COLEC11: variants seen among roughly 807,000 people sequenced by gnomAD.
The protein encoded by COLEC11 is collectin-11.
Under a neutral mutation model 27.3 loss-of-function variants are expected in COLEC11, and 20 were observed. The observed-to-expected ratio is 0.73, with a 90% CI of 0.51 to 1.06. The LOEUF (loss-of-function observed/expected upper bound fraction) is 1.06, where lower values mean the gene tolerates loss of function less well. COLEC11 is among the 50% of genes least tolerant of loss of function. COLEC11 has a pLI of 0.00. For synonymous variants in COLEC11, 163 were observed against 154.7 expected (o/e 1.05, Z -0.40); for missense variants, 310 against 383.0 (o/e 0.81, Z 1.59).
chr2:3,603,150 G>A (rs1047674103), intron 1 of COLEC11, among the ~76,000 whole-genome samples: 1 of 152,094 alleles, frequency 6.6e-6, no homozygotes, highest in African/African-American at 2.4e-5. Context: ...CCCAGTCCCA[G>A]CTCGCCACGG....
intron 2 of COLEC11, chr2:3,606,081 C>T (rs1454242517): frequency 1.3e-6 from 2 of 1,549,996 alleles, no homozygotes; most frequent in Admixed American, 2.0e-5. Context: ...GGCTTTGGCC[C>T]TGACTTTGTG....
At chr2:3,625,527 G>T (rs1664483582) in intron 3 of COLEC11, among the ~76,000 whole-genome samples, 1 of 152,112 alleles carries the variant, frequency 6.6e-6, no homozygotes, top group African/African-American at 2.4e-5. Context: ...TGGCATCCCA[G>T]GGAGTCAGCT....
chr2:3,600,959 C>T (rs550592714), intron 1 of COLEC11, among the ~76,000 whole-genome samples: 104 of 152,330 alleles, frequency 6.8e-4, no homozygotes, highest in Non-Finnish European at 7.3e-4. Context: ...TGTCACTGCA[C>T]GGGGCGGGCT....
rs1452270443 is a variant in COLEC11, at chr2:3,643,518, G to A, written c.403G>A (p.Glu135Lys). The change falls in exon 6 of 7, where the codon GAG (glutamate) becomes AAG (lysine). Residue 135 changes from glutamate to lysine, a missense_variant. By Grantham distance (56) the Glu-to-Lys change is moderately conservative. Coordinates refer to ENST00000349077, the MANE Select transcript of COLEC11 (RefSeq NM_024027.5). Reference protein sequence around the residue: ...MDNQVSQLTSELKFIKNAVAG... With the variant: ...MDNQVSQLTSKLKFIKNAVAG... ...CAACCAGGTCTCTCAGCTGACCAGC[G>A]AGCTCAAGTTCATCAAGAATGGTAT... The A allele has an allele frequency of 5.6e-6, 9 of 1,613,878 alleles. No individual in the cohort carries two copies. The highest frequency in any genetic ancestry group is 1.1e-5 in the South Asian group (1 of 91,088).
At chr2:3,597,550 C>T (rs1370984312) in intron 1 of COLEC11, among the ~76,000 whole-genome samples, 2 of 152,194 alleles carry the variant, frequency 1.3e-5, no homozygotes, top group African/African-American at 4.8e-5. Context: ...TTTGTTGAAG[C>T]CACTCCTGGG....
intron 2 of COLEC11, among the ~76,000 whole-genome samples, chr2:3,611,660 C>G (rs1258761586): frequency 6.6e-6 from 1 of 151,092 alleles, no homozygotes; most frequent in Non-Finnish European, 1.5e-5. Context: ...AGGGGCAGCC[C>G]ACAGGCTTTT....
Position 3,602,899 on chromosome 2 carries a change from C to T in COLEC11, c.-26-1416C>T, listed in dbSNP as rs955893843. 2.6e-5 allele frequency among the ~76,000 whole-genome samples: 4 copies of T among 152,240 alleles called. No homozygotes were observed. Among genetic ancestry groups the T allele is most frequent in the South Asian group, 2.1e-4 (1 of 4,832 alleles). ...CTGGACTCTGCCTCACTCTTCCCCA[C>T]GGCGCTTACCCCTGCCTCTGTCTGT... On this transcript the variant is annotated intron_variant, in intron 1 of 6. Coordinates refer to ENST00000349077, the MANE Select transcript of COLEC11 (RefSeq NM_024027.5). The surrounding 1 kb of genome is among the most constrained non-coding windows in gnomAD (Gnocchi z 6.2).
At chr2:3,615,126 T>TTTTATTTA (rs70938959) in intron 3 of COLEC11, among the ~76,000 whole-genome samples, 1 of 76,218 alleles carries the variant, frequency 1.3e-5, no homozygotes, top group South Asian at 7.0e-4. Flanking sequence ...TTTAAAGGGA[T>TTTTATTTA]TTTATTTATT....
At chr2:3,629,099 C>A (rs1266881589) in intron 3 of COLEC11, among the ~76,000 whole-genome samples, 4 of 152,218 alleles carry the variant, frequency 2.6e-5, no homozygotes, top group Non-Finnish European at 5.9e-5. Flanking sequence ...GGCGTTAGGG[C>A]TCTTGTTCTC....
chr2:3,638,111 G>A (rs2147956558), intron 4 of COLEC11, among the ~76,000 whole-genome samples: 1 of 152,352 alleles, frequency 6.6e-6, no homozygotes, highest in Admixed American at 6.5e-5. Context: ...CTGCACCTGC[G>A]GGTTCTAATT....
chr2:3,599,172 C>T lies in COLEC11; in HGVS notation c.-27+4004C>T, dbSNP rs734602. Among the ~76,000 whole-genome samples, 27 of 152,262 alleles carry T rather than the reference C, an allele frequency of 1.8e-4. No individual in the cohort carries two copies. The South Asian group carries it at 4.8e-3, about 27-fold the overall frequency. ...TTTTCTTTGGCTTCCTCATCTGTGA[C>T]GAGTGCGTGATGGTGCTGATCTCTG... On this transcript the variant is annotated intron_variant, in intron 1 of 6. Coordinates refer to ENST00000349077, the MANE Select transcript of COLEC11 (RefSeq NM_024027.5).
intron 3 of COLEC11, among the ~76,000 whole-genome samples, chr2:3,618,434 T>C (rs897520354): frequency 6.6e-6 from 1 of 152,250 alleles, no homozygotes; most frequent in Non-Finnish European, 1.5e-5. Context: ...CCCAATAGCA[T>C]TGTGAATTCT....
chr2:3,622,687 C>G (rs751819564), intron 3 of COLEC11, among the ~76,000 whole-genome samples: 1 of 152,156 alleles, frequency 6.6e-6, no homozygotes, highest in African/African-American at 2.4e-5. Flanking sequence ...TGGCCTCTCT[C>G]GTGGGCCTCC....
intron 4 of COLEC11, among the ~76,000 whole-genome samples, chr2:3,638,141 A>G (rs2147956698): frequency 1.3e-5 from 2 of 152,338 alleles, no homozygotes; most frequent in South Asian, 4.1e-4. Context: ...CCGCTGCTGC[A>G]TTTGGCTGCA....
chr2:3,636,167 C>T (rs545686155), intron 3 of COLEC11, among the ~76,000 whole-genome samples: 182 of 152,310 alleles, frequency 1.2e-3, no homozygotes, highest in Non-Finnish European at 1.8e-3. Flanking sequence ...AAGTCCTTCC[C>T]GCCACCACCG....
chr2:3,617,836 A>G, intron 3 of COLEC11: 3 of 646,548 alleles, frequency 4.6e-6, no homozygotes, highest in East Asian at 5.3e-5. Flanking sequence ...GCCTTTCTCC[A>G]CATCTTCTCC....
intron 3 of COLEC11, among the ~76,000 whole-genome samples, chr2:3,629,605 T>C (rs560036815): frequency 3.1e-4 from 47 of 152,366 alleles, no homozygotes; most frequent in African/African-American, 1.1e-3. Context: ...TGTGTGTATG[T>C]GCATATGAGC....
chr2:3,602,306 T>C lies in COLEC11; in HGVS notation c.-26-2009T>C, dbSNP rs943311083. On this transcript the variant is annotated intron_variant, in intron 1 of 6. Transcript: ENST00000349077. This position sits in a 1 kb window ranked among gnomAD's most constrained non-coding sequence, Gnocchi z 6.2. ...CCATTGCTCCACCCACTGGGTCACA[T>C]AGGAGTCTATAGTGTCTCAGACTCG... Among the ~76,000 whole-genome samples the C allele has an allele frequency of 3.3e-5, 5 of 152,180 alleles. No homozygotes were observed. Among genetic ancestry groups the C allele is most frequent in the Non-Finnish European group, 5.9e-5 (4 of 68,048 alleles).
At position 3,602,348 on chromosome 2, in the gene COLEC11, C is replaced by T. The variant is rs981454609; in HGVS notation, c.-26-1967C>T. Among the ~76,000 whole-genome samples, 9 of 152,296 alleles carry T rather than the reference C, an allele frequency of 5.9e-5. 1 individual carries two copies. In the South Asian group the frequency reaches 1.5e-3, roughly 25 times the overall value. ...TCAGACTCGGAAAGTTGAACCCGAG[C>T]CCCTGACTTCACTTCACCTCCTCAG... On this transcript the variant is annotated intron_variant, in intron 1 of 6. Transcript: ENST00000349077. The surrounding 1 kb of genome is among the most constrained non-coding windows in gnomAD (Gnocchi z 6.2).
Sources: allele counts gnomAD v4.1 joint callset (sites outside exome capture counted in the v4.1 genomes callset), GRCh38; gene constraint gnomAD v4.1.1; non-coding constraint Gnocchi (gnomAD v3.1); transcripts MANE v1.5; gene names NCBI Gene and HGNC (gene_info 2026-07-23, HGNC 2026-07-21).